Variants in EML6 observed in about 807,000 individuals in gnomAD.
EML6 encodes echinoderm microtubule-associated protein-like 6.
Under a neutral mutation model 240.1 loss-of-function variants are expected in EML6, and 154 were observed. The ratio of observed to expected loss-of-function variants is 0.64; its 90% CI spans 0.56 to 0.73. EML6 has a LOEUF of 0.73. Ranked by LOEUF, EML6 falls within the 30% of genes least tolerant of loss-of-function variation. The probability of loss-of-function intolerance (pLI) is 0.00; values close to 1 mark genes in which losing one functional copy is unlikely to be tolerated. For synonymous variants in EML6, 1,148 were observed against 899.0 expected (o/e 1.28, Z -4.95); for missense variants, 2,964 against 2,474.6 (o/e 1.20, Z -4.20).
intron 31 of EML6, 44 bp from the exon 32 acceptor site, chr2:54,953,939 C>G (rs1005240332): frequency 1.4e-6 from 2 of 1,460,966 alleles, no homozygotes; most frequent in African/African-American, 2.9e-5. Context: ...CTTGGCTCTG[C>G]CATTTGTCAG....
intron 28 of EML6, among the ~76,000 whole-genome samples, chr2:54,941,962 A>T (rs1558709515): frequency 1.3e-5 from 2 of 152,268 alleles, no homozygotes; most frequent in Admixed American, 6.5e-5. Context: ...AAATGCTGAA[A>T]TTAATCATCT....
At chr2:54,862,947 G>A (rs1056446231) in intron 12 of EML6, among the ~76,000 whole-genome samples, 2 of 152,178 alleles carry the variant, frequency 1.3e-5, no homozygotes, top group Admixed American at 6.5e-5. Context: ...GGCTGCAGGG[G>A]AACAGGGTAA....
intron 2 of EML6, among the ~76,000 whole-genome samples, chr2:54,785,131 G>C (rs758676562): frequency 6.7e-6 from 1 of 150,348 alleles, no homozygotes; most frequent in African/African-American, 2.5e-5. Flanking sequence ...TGAAAAATAC[G>C]AGAGAACTTC....
At chr2:54,807,715 C>A (rs188218224) in intron 2 of EML6, among the ~76,000 whole-genome samples, 1 of 152,250 alleles carries the variant, frequency 6.6e-6, no homozygotes, top group African/African-American at 2.4e-5. Context: ...AAGTGACGAG[C>A]TTTCAGTATG....
chr2:54,908,317 C>G (rs1158467945), intron 24 of EML6, among the ~76,000 whole-genome samples: 1 of 151,194 alleles, frequency 6.6e-6, no homozygotes, highest in Non-Finnish European at 1.5e-5. Context: ...TCAAGAGATC[C>G]TCTCACATCA....
intron 2 of EML6, among the ~76,000 whole-genome samples, chr2:54,732,072 T>C (rs1321211787): frequency 6.6e-6 from 1 of 152,232 alleles, no homozygotes; most frequent in Non-Finnish European, 1.5e-5. Flanking sequence ...ATTGATGATC[T>C]TTTCATAAAC....
At position 54,885,751 on chromosome 2, in the gene EML6, A is replaced by G. The variant is rs554585908; in HGVS notation, c.2439-5303A>G. On this transcript the variant is annotated intron_variant, in intron 17 of 41. Transcript: ENST00000356458. ...CTCAGCCTCCTGAGTAGCTGGGACT[A>G]CAGGCGCCAGCCACCGCGCCCGGCT... Among the ~76,000 whole-genome samples, 8 of 152,096 alleles carry G rather than the reference A, an allele frequency of 5.3e-5. 1 individual carries two copies. The highest frequency in any genetic ancestry group is 1.9e-4 in the African/African-American group (8 of 41,510).
chr2:54,847,966 A>G (rs146502342), intron 9 of EML6, among the ~76,000 whole-genome samples: 106 of 152,364 alleles, frequency 7.0e-4, no homozygotes, highest in African/African-American at 2.4e-3. Context: ...GGGATGTTAC[A>G]TGATACATTG....
At chr2:54,951,988 A>G (rs62134811) in intron 30 of EML6, among the ~76,000 whole-genome samples, 1,947 of 152,246 alleles carry the variant, frequency 0.013, 14 homozygotes, top group Non-Finnish European at 0.02. Flanking sequence ...CAGCAAACCC[A>G]TTTGCTTTGA....
In EML6 at chr2:54,774,230, C is replaced by G. The variant is rs1668507913; in HGVS notation, c.198-39002C>G. Among the ~76,000 whole-genome samples, 1 of 152,140 alleles carries G rather than the reference C, an allele frequency of 6.6e-6. No individual in the cohort carries two copies. Among genetic ancestry groups the G allele is most frequent in the South Asian group, 2.1e-4 (1 of 4,820 alleles). ...AGGTTGAGTTTCCTAGGAAGCAGCT[C>G]TGAGACGAAGTTCAGCTTGCAAAAT... On this transcript the variant is annotated intron_variant, in intron 2 of 41. Transcript: ENST00000356458. The surrounding 1 kb of genome is among the most constrained non-coding windows in gnomAD (Gnocchi z 4.1).
At chr2:54,821,107 C>T (rs893484882) in intron 5 of EML6, among the ~76,000 whole-genome samples, 2 of 152,006 alleles carry the variant, frequency 1.3e-5, no homozygotes, top group Non-Finnish European at 2.9e-5. Context: ...TCTATAGGAT[C>T]GTAAATAATG....
Position 54,869,285 on chromosome 2 carries a change from C to A in EML6, c.2156C>A (p.Ser719Tyr). The change falls in exon 15 of 42, where the codon TCC becomes TAC. Residue 719 changes from serine (S) to tyrosine (Y), a missense_variant. Ser to Tyr is a moderately radical substitution (Grantham distance 144). Transcript: ENST00000356458. ...GTCGTGTATAATCGGCAGCAGCACT[C>A]CCAGAGGCTGTACCTGGGGCACGAT... ...VAVVYNRQQH[S>Y]QRLYLGHDDD... 6.4e-7 allele frequency: 1 copy of A among 1,551,720 alleles called. No homozygotes were observed. The highest frequency in any genetic ancestry group is 8.7e-7 in the Non-Finnish European group (1 of 1,146,942).
intron 28 of EML6, among the ~76,000 whole-genome samples, chr2:54,935,648 G>C (rs1056054346): frequency 6.6e-6 from 1 of 152,106 alleles, no homozygotes; most frequent in Admixed American, 6.5e-5. Flanking sequence ...TTCATGCTGA[G>C]GTTTGTTACT....
At chr2:54,849,293 A>G (rs745537557) in intron 9 of EML6, among the ~76,000 whole-genome samples, 2 of 152,290 alleles carry the variant, frequency 1.3e-5, no homozygotes, top group South Asian at 4.1e-4. Context: ...ATTTTCTCCC[A>G]TTTGGAAATA....
chr2:54,757,760 C>A (rs1667804774), intron 2 of EML6, among the ~76,000 whole-genome samples: 1 of 152,136 alleles, frequency 6.6e-6, no homozygotes, highest in African/African-American at 2.4e-5. Context: ...TTCCAGGTTT[C>A]CGGCTGTGAG....
intron 10 of EML6, among the ~76,000 whole-genome samples, chr2:54,851,123 A>G (rs904445983): frequency 3.3e-5 from 5 of 152,112 alleles, no homozygotes; most frequent in African/African-American, 4.8e-5. Context: ...GAATAACCCA[A>G]TGAGGCCAGG....
chr2:54,746,327 T>G (rs116525437), intron 2 of EML6, among the ~76,000 whole-genome samples: 3 of 151,626 alleles, frequency 2.0e-5, no homozygotes, highest in Non-Finnish European at 4.4e-5. Context: ...CTGTGTCTCT[T>G]TTTCTCAAAA....
At chr2:54,934,684 G>C (rs570674938) in intron 28 of EML6, among the ~76,000 whole-genome samples, 1 of 151,902 alleles carries the variant, frequency 6.6e-6, no homozygotes, top group South Asian at 2.1e-4. Context: ...CAAGTACCTG[G>C]GACTAGGACT....
chr2:54,822,684 T>C (rs1039931411), intron 5 of EML6, among the ~76,000 whole-genome samples: 2 of 152,204 alleles, frequency 1.3e-5, no homozygotes, highest in South Asian at 2.1e-4. Context: ...GGCTTTTTTT[T>C]CTTTAAAAAC....
Sources: allele counts gnomAD v4.1 joint callset (sites outside exome capture counted in the v4.1 genomes callset), GRCh38; gene constraint gnomAD v4.1.1; non-coding constraint Gnocchi (gnomAD v3.1); transcripts MANE v1.5; gene names NCBI Gene and HGNC (gene_info 2026-07-23, HGNC 2026-07-21).